Variants in SGCZ observed in about 807,000 individuals in gnomAD.
The protein encoded by SGCZ is sarcoglycan zeta.
A neutral mutation model predicts 41.3 loss-of-function variants in SGCZ; 40 were observed. That is an observed-to-expected ratio of 0.97 (90% CI 0.75 to 1.26). The LOEUF (loss-of-function observed/expected upper bound fraction) is 1.26. Among genes scored for constraint, SGCZ ranks in the 50% most tolerant of loss-of-function variants. SGCZ has a pLI of 0.00. For synonymous variants in SGCZ, 206 were observed against 137.5 expected (o/e 1.50, Z -3.49); for missense variants, 552 against 369.8 (o/e 1.49, Z -4.04).
chr8:15,201,179 G>C (rs992216159), intron 1 of SGCZ, among the ~76,000 whole-genome samples: 5 of 152,112 alleles, frequency 3.3e-5, no homozygotes, highest in Non-Finnish European at 1.5e-5. Context: ...ATCAAGTCTG[G>C]CTAATTTTTG....
intron 3 of SGCZ, among the ~76,000 whole-genome samples, chr8:14,314,711 A>C (rs529081224): frequency 2.0e-3 from 302 of 152,324 alleles, no homozygotes; most frequent in Non-Finnish European, 4.0e-3. Flanking sequence ...TGAGCCACAC[A>C]AATTTGCATA....
intron 1 of SGCZ, among the ~76,000 whole-genome samples, chr8:14,644,290 T>A (rs1309062482): frequency 1.3e-5 from 2 of 151,698 alleles, no homozygotes; most frequent in African/African-American, 4.8e-5. Flanking sequence ...TACAATCAGT[T>A]GAAGGCCTTA....
intron 2 of SGCZ, among the ~76,000 whole-genome samples, chr8:14,516,965 A>C (rs1415624532): frequency 6.6e-6 from 1 of 152,096 alleles, no homozygotes; most frequent in East Asian, 1.9e-4. Flanking sequence ...TTAAAATTTA[A>C]GGAACAAGAA....
chr8:14,595,882 T>C (rs995785814), intron 1 of SGCZ, among the ~76,000 whole-genome samples: 1 of 152,162 alleles, frequency 6.6e-6, no homozygotes, highest in African/African-American at 2.4e-5. Flanking sequence ...CTGGACTCTA[T>C]GTCAGTTTAA....
In SGCZ at chr8:14,944,033, T is replaced by C. The variant is rs187174390; in HGVS notation, c.39+293552A>G. 1.1e-3 allele frequency among the ~76,000 whole-genome samples: 164 copies of C among 152,252 alleles called. 2 individuals are homozygous for C. The highest frequency in any genetic ancestry group is 1.5e-4 in the Non-Finnish European group (10 of 68,012). On this transcript the variant is annotated intron_variant, in intron 1 of 7. Coordinates refer to ENST00000382080, the MANE Select transcript of SGCZ (RefSeq NM_139167.4). ...CTGATGGGCATTTAGGTGAATTCCA[T>C]GTATTTGCTACTGTGAATATTACTG...
At chr8:14,822,243 C>T (rs1802124143) in intron 1 of SGCZ, among the ~76,000 whole-genome samples, 1 of 151,810 alleles carries the variant, frequency 6.6e-6, no homozygotes, top group African/African-American at 2.4e-5. Context: ...TTTCTGATAG[C>T]TACAAAAAAA....
chr8:15,091,596 A>G (rs1806155003), intron 1 of SGCZ, among the ~76,000 whole-genome samples: 1 of 152,198 alleles, frequency 6.6e-6, no homozygotes, highest in Non-Finnish European at 1.5e-5. Flanking sequence ...TTCAAATTCT[A>G]TCACACATCC....
At chr8:14,236,304 ATAT>A (rs1806758512) in intron 4 of SGCZ, among the ~76,000 whole-genome samples, 1 of 152,202 alleles carries the variant, frequency 6.6e-6, no homozygotes, top group Non-Finnish European at 1.5e-5. Flanking sequence ...TTATCACAAA[ATAT>A]TATCCAGTTG....
At chr8:14,828,566 A>C (rs1045637077) in intron 1 of SGCZ, among the ~76,000 whole-genome samples, 2 of 152,194 alleles carry the variant, frequency 1.3e-5, no homozygotes, top group Non-Finnish European at 2.9e-5. Flanking sequence ...GACAGAAAAC[A>C]TGACTTCATC....
chr8:15,237,258 C>T (rs1028856715), intron 1 of SGCZ, among the ~76,000 whole-genome samples: 2 of 152,056 alleles, frequency 1.3e-5, no homozygotes, highest in African/African-American at 4.8e-5. Context: ...CGCTGCCCCC[C>T]CCGGGGAGAC....
chr8:14,165,055 A>T, intron 4 of SGCZ: 1 of 244,444 alleles, frequency 4.1e-6, no homozygotes, highest in Non-Finnish European at 8.1e-6. Flanking sequence ...TGGATGCTTA[A>T]TAAGTACTTG....
intron 1 of SGCZ, among the ~76,000 whole-genome samples, chr8:14,556,642 T>G (rs1421296039): frequency 1.3e-5 from 2 of 152,092 alleles, no homozygotes; most frequent in African/African-American, 2.4e-5. Context: ...CTTATTCCTT[T>G]GTATCCTCAC....
intron 1 of SGCZ, among the ~76,000 whole-genome samples, chr8:14,825,221 C>G (rs982514504): frequency 6.6e-6 from 1 of 152,030 alleles, no homozygotes; most frequent in Non-Finnish European, 1.5e-5. Context: ...TAAAGAAAAC[C>G]TTTTATAGCT....
intron 2 of SGCZ, among the ~76,000 whole-genome samples, chr8:14,399,820 G>T (rs139289438): frequency 5.9e-5 from 9 of 152,104 alleles, no homozygotes; most frequent in African/African-American, 1.9e-4. Flanking sequence ...TCTACAATTT[G>T]ATTTTTAACA....
At chr8:15,030,656 G>T (rs1474634855) in intron 1 of SGCZ, among the ~76,000 whole-genome samples, 2 of 152,132 alleles carry the variant, frequency 1.3e-5, no homozygotes, top group Non-Finnish European at 2.9e-5. Flanking sequence ...ATGATTCCAG[G>T]CTCCTCTAAT....
chr8:14,102,100 A>T lies in SGCZ; in HGVS notation c.744+276T>A, dbSNP rs1327624736. Among the ~76,000 whole-genome samples, 239 of 74,682 alleles carry T rather than the reference A, an allele frequency of 3.2e-3. 2 individuals carry two copies. Among genetic ancestry groups the T allele is most frequent in the Middle Eastern group, 8.5e-3 (1 of 118 alleles). The allele number at this position is 74,682 out of a possible 152,430, so 49.0% of individuals were successfully genotyped here. ...TTTATATATATATATATATATATAT[A>T]TATAATTTTTTTTTTTTTTAGTAGA... On this transcript the variant is annotated intron_variant, in intron 7 of 7. Transcript: ENST00000382080.
chr8:14,695,227 A>G (rs910004878), intron 1 of SGCZ, among the ~76,000 whole-genome samples: 2 of 152,202 alleles, frequency 1.3e-5, no homozygotes, highest in African/African-American at 2.4e-5. Context: ...ATGTATTGCC[A>G]TCACAACTTA....
At chr8:14,442,704 T>G (rs1317484963) in intron 2 of SGCZ, among the ~76,000 whole-genome samples, 1 of 152,188 alleles carries the variant, frequency 6.6e-6, no homozygotes. Context: ...CTACAGTAAG[T>G]CTCACCCAGT....
Position 14,085,903 on chromosome 8 carries a change from C to A in SGCZ, c.*4540G>T, listed in dbSNP as rs1026076539. Among the ~76,000 whole-genome samples, 1 of 151,648 alleles carries A rather than the reference C, an allele frequency of 6.6e-6. No homozygotes were observed. The highest frequency in any genetic ancestry group is 1.5e-5 in the Non-Finnish European group (1 of 67,760). Reference sequence around the variant, plus strand: ...AGCAGCAGTGTTTTAGAGTTAAATACAATAGAAATCCCATTCTTTGGTCTT... The same window carrying A: ...AGCAGCAGTGTTTTAGAGTTAAATAAAATAGAAATCCCATTCTTTGGTCTT... On this transcript the variant is annotated 3_prime_UTR_variant, in exon 8 of 8. Transcript: ENST00000382080.
Sources: allele counts gnomAD v4.1 joint callset (sites outside exome capture counted in the v4.1 genomes callset), GRCh38; gene constraint gnomAD v4.1.1; transcripts MANE v1.5; gene names NCBI Gene and HGNC (gene_info 2026-07-23, HGNC 2026-07-21).